Variants in CACNA1E observed in about 807,000 individuals in gnomAD.
CACNA1E encodes the protein calcium voltage-gated channel subunit alpha1 E.
Under a neutral mutation model 259.2 loss-of-function variants are expected in CACNA1E, and 40 were observed. The observed-to-expected ratio is 0.15, with a 90% CI of 0.12 to 0.20. The LOEUF is 0.20. Ranked by LOEUF, CACNA1E falls within the 10% of genes least tolerant of loss-of-function variation. CACNA1E has a pLI of 1.00. For synonymous variants in CACNA1E, 1,104 were observed against 1,138.5 expected (o/e 0.97, Z 0.61); for missense variants, 1,874 against 3,040.1 (o/e 0.62, Z 9.02).
intron 21 of CACNA1E, among the ~76,000 whole-genome samples, chr1:181,735,661 T>C (rs1170241318): frequency 6.6e-6 from 1 of 152,222 alleles, no homozygotes; most frequent in Non-Finnish European, 1.5e-5. Context: ...GCATTCTCAT[T>C]TCTACATTAA....
chr1:181,548,834 T>C (rs966036413), intron 3 of CACNA1E, among the ~76,000 whole-genome samples: 1 of 152,244 alleles, frequency 6.6e-6, no homozygotes, highest in Admixed American at 6.5e-5. Context: ...TTATCCATCA[T>C]GTTTAGTTGG....
intron 16 of CACNA1E, among the ~76,000 whole-genome samples, chr1:181,724,150 A>AG (rs1353233132): frequency 2.0e-5 from 3 of 152,208 alleles, no homozygotes; most frequent in African/African-American, 7.2e-5. Flanking sequence ...CAGGAAACAC[A>AG]GTTAAAGACC....
chr1:181,599,817 T>C lies in CACNA1E; in HGVS notation c.951+19041T>C, dbSNP rs1219550788. Reference sequence around the variant, plus strand: ...CAAAGCCTATGTTAAATGAGGCAAATTTGTTGGTATTTCCAATTGCATTTT... The same window carrying C: ...CAAAGCCTATGTTAAATGAGGCAAACTTGTTGGTATTTCCAATTGCATTTT... On this transcript the variant is annotated intron_variant, in intron 6 of 47. Transcript: ENST00000367573. Among the ~76,000 whole-genome samples the C allele has an allele frequency of 2.0e-5, 3 of 152,214 alleles. No homozygotes were observed. In the East Asian group the frequency reaches 5.8e-4, roughly 29 times the overall value.
chr1:181,448,824 TG>T (rs1660962977), intron 2 of CACNA1E, among the ~76,000 whole-genome samples: 1 of 152,230 alleles, frequency 6.6e-6, no homozygotes, highest in Non-Finnish European at 1.5e-5. Context: ...GTCGGAAAGC[TG>T]GTCCAAGCCT....
intron 34 of CACNA1E, among the ~76,000 whole-genome samples, chr1:181,765,051 A>G (rs952885492): frequency 2.6e-5 from 4 of 152,172 alleles, no homozygotes; most frequent in East Asian, 1.9e-4. Context: ...GTGACACAGT[A>G]TAGAAGTTTG....
chr1:181,330,579 G>T (rs141707112), intron 1 of CACNA1E, among the ~76,000 whole-genome samples: 1 of 152,190 alleles, frequency 6.6e-6, no homozygotes, highest in African/African-American at 2.4e-5. Flanking sequence ...GTGGGGCAAG[G>T]CCTGCTGGCA....
chr1:181,671,742 A>G (rs1394271223), intron 7 of CACNA1E, among the ~76,000 whole-genome samples: 2 of 152,236 alleles, frequency 1.3e-5, no homozygotes, highest in African/African-American at 4.8e-5. Flanking sequence ...AAACAAACAA[A>G]CAAACAAAAA....
chr1:181,575,335 C>G (rs1572256698), intron 3 of CACNA1E, among the ~76,000 whole-genome samples: 1 of 152,188 alleles, frequency 6.6e-6, no homozygotes, highest in African/African-American at 2.4e-5. Context: ...TCATGGCTGG[C>G]TCTGTGAGAC....
intron 1 of CACNA1E, among the ~76,000 whole-genome samples, chr1:181,507,063 T>A (rs1469177940): frequency 6.0e-5 from 9 of 150,330 alleles, no homozygotes; most frequent in South Asian, 2.1e-4. Context: ...AAAAAAAAAA[T>A]ATTTTTAAGC....
At chr1:181,321,512 G>C (rs1650343348) in intron 1 of CACNA1E, among the ~76,000 whole-genome samples, 1 of 152,232 alleles carries the variant, frequency 6.6e-6, no homozygotes, top group South Asian at 2.1e-4. Flanking sequence ...CCATGGCCTA[G>C]ATTGGAAAAG....
chr1:181,615,131 T>TTA (rs1024595916), intron 6 of CACNA1E, among the ~76,000 whole-genome samples: 2 of 152,210 alleles, frequency 1.3e-5, no homozygotes, highest in Non-Finnish European at 2.9e-5. Flanking sequence ...CATCCATTCA[T>TTA]TATATACTTT....
chr1:181,683,098 G>A (rs1650152012), intron 7 of CACNA1E, among the ~76,000 whole-genome samples: 3 of 152,156 alleles, frequency 2.0e-5, no homozygotes, highest in Admixed American at 6.5e-5. Context: ...GGCATATGAC[G>A]TTTTATATTG....
chr1:181,600,668 G>A (rs1359242207), intron 6 of CACNA1E, among the ~76,000 whole-genome samples: 1 of 152,132 alleles, frequency 6.6e-6, no homozygotes, highest in Admixed American at 6.5e-5. Flanking sequence ...CGAGAGAAGG[G>A]GCAGGATGGT....
At chr1:181,652,812 G>A (rs1024754369) in intron 7 of CACNA1E, among the ~76,000 whole-genome samples, 1 of 152,164 alleles carries the variant, frequency 6.6e-6, no homozygotes, top group Non-Finnish European at 1.5e-5. Context: ...CTCTGTAGAT[G>A]TGGAATCAGA....
At chr1:181,590,437 T>C (rs867310837) in intron 6 of CACNA1E, among the ~76,000 whole-genome samples, 8 of 143,418 alleles carry the variant, frequency 5.6e-5, no homozygotes, top group African/African-American at 2.3e-4. Context: ...ATATATATAT[T>C]GTATTTGACT....
exon 1 of CACNA1E, chr1:181,317,798 G>A (rs944028241): frequency 5.3e-5 from 8 of 152,270 alleles, no homozygotes; most frequent in African/African-American, 1.9e-4. Context: ...TGCCCTCTCG[G>A]GTGGTGGGCA....
chr1:181,410,296 C>T (rs530981288), intron 1 of CACNA1E, among the ~76,000 whole-genome samples: 27 of 152,360 alleles, frequency 1.8e-4, no homozygotes, highest in African/African-American at 5.8e-4. Flanking sequence ...AATACATTTT[C>T]TTCTCCTTAC....
intron 7 of CACNA1E, among the ~76,000 whole-genome samples, chr1:181,688,707 A>G (rs72733177): frequency 0.12 from 17,944 of 152,174 alleles, 1,100 homozygotes; most frequent in Middle Eastern, 0.16. Context: ...CAATACATTG[A>G]TATTAATTAG....
chr1:181,779,620 A>G (rs1188177835), intron 38 of CACNA1E: 7 of 288,290 alleles, frequency 2.4e-5, no homozygotes, highest in Non-Finnish European at 5.2e-5. Context: ...CTCCACCACC[A>G]CTGCGCCACA....
Sources: allele counts gnomAD v4.1 joint callset (sites outside exome capture counted in the v4.1 genomes callset), GRCh38; gene constraint gnomAD v4.1.1; transcripts MANE v1.5; gene names NCBI Gene and HGNC (gene_info 2026-07-23, HGNC 2026-07-21).